The following DMBT1 variants were observed in gnomAD, a reference collection of about 807,000 sequenced individuals.
DMBT1 encodes the protein deleted in malignant brain tumors 1, also known as scavenger receptor cysteine-rich domain-containing protein DMBT1.
DMBT1 carries 198 observed loss-of-function variants against 252.9 expected under a neutral mutation model. That is an observed-to-expected ratio of 0.78 (90% CI 0.70 to 0.88). DMBT1 has a LOEUF of 0.88. Ranked by LOEUF, DMBT1 falls within the 40% of genes least tolerant of loss-of-function variation. The pLI is 0.00. For synonymous variants in DMBT1, 990 were observed against 942.7 expected, an observed-to-expected ratio of 1.05 and a Z score of -0.92; for missense variants, 2,432 against 2,404.7, an observed-to-expected ratio of 1.01 and a Z score of -0.24.
chr10:122,597,662 G>C lies in DMBT1; in HGVS notation c.2918-312G>C, dbSNP rs192275358. On this transcript the variant is annotated intron_variant, in intron 24 of 55. Coordinates refer to ENST00000338354, the MANE Select transcript of DMBT1 (RefSeq NM_001377530.1). ...TTCCCTAACATTTTAGCTCGAGCTAGTAGAGTGTCAGCAATGGTGTTAGAT... is the reference window on the plus strand; with the variant it reads ...TTCCCTAACATTTTAGCTCGAGCTACTAGAGTGTCAGCAATGGTGTTAGAT... Among the ~76,000 whole-genome samples the C allele has an allele frequency of 5.9e-3, 903 of 152,312 alleles. 9 individuals carry two copies. The highest frequency in any genetic ancestry group is 0.018 in the Admixed American group (273 of 15,304).
At chr10:122,619,460 C>A in intron 42 of DMBT1, 123 bp downstream of exon 42, 1 of 1,315,258 alleles carries the variant, frequency 7.6e-7, no homozygotes, top group Non-Finnish European at 1.1e-6. Context: ...TTTTTCCTCC[C>A]ACCACTCTGT....
chr10:122,631,357 T>A, intron 49 of DMBT1, 76 bp downstream of exon 49: 1 of 1,544,614 alleles, frequency 6.5e-7, no homozygotes, highest in Non-Finnish European at 8.8e-7. Flanking sequence ...CAGTGGCTGA[T>A]GGTGTCTGTG....
intron 50 of DMBT1, among the ~76,000 whole-genome samples, chr10:122,632,275 G>T (rs2098171523): frequency 6.6e-6 from 1 of 151,270 alleles, no homozygotes. Flanking sequence ...CCCGCCCCCT[G>T]CTTGCTTTGT....
chr10:122,621,499 G>A, intron 44 of DMBT1, 119 bp downstream of exon 44: 3 of 1,507,584 alleles, frequency 2.0e-6, no homozygotes, highest in Non-Finnish European at 2.7e-6. Context: ...TGTTTTTGAA[G>A]ACTTGTTAGC....
chr10:122,580,036 A>G, intron 10 of DMBT1, 135 bp downstream of exon 10: 1 of 1,490,044 alleles, frequency 6.7e-7, no homozygotes, highest in East Asian at 2.4e-5. Context: ...GCTCTCTGCT[A>G]AGAATCCATA....
Position 122,598,999 on chromosome 10 carries a change from G to C in DMBT1, c.3182G>C (p.Arg1061Pro), listed in dbSNP as rs773151482. 2 of 1,613,744 alleles carry C rather than the reference G, an allele frequency of 1.2e-6. No homozygotes were observed. Among genetic ancestry groups the C allele is most frequent in the Non-Finnish European group, 8.5e-7 (1 of 1,179,730 alleles). Reference protein sequence around the residue: ...GSGPIVLDDVRCSGHESYLWS... With the variant: ...GSGPIVLDDVPCSGHESYLWS... ...GGACCCATTGTCCTGGATGATGTGCGCTGCTCAGGACACGAGTCTTACCTG... is the reference window on the plus strand; with the variant it reads ...GGACCCATTGTCCTGGATGATGTGCCCTGCTCAGGACACGAGTCTTACCTG... The change falls in exon 26 of 56, where the codon CGC becomes CCC. Residue 1061 changes from arginine to proline, a missense_variant. This residue lies in a region of DMBT1 where 1,264 missense variants were observed against 1,082.2 expected (regional missense o/e 1.17). Transcript: ENST00000338354.
At chr10:122,629,038 T>G (rs924462679) in intron 46 of DMBT1, among the ~76,000 whole-genome samples, 2 of 152,264 alleles carry the variant, frequency 1.3e-5, no homozygotes, top group Middle Eastern at 3.4e-3. Context: ...TTTTAAAAAG[T>G]TTTTATTACT....
At position 122,572,547 on chromosome 10, in the gene DMBT1, C is replaced by T. The variant is rs377236714; in HGVS notation, c.235+186C>T. On this transcript the variant is annotated intron_variant, in intron 5 of 55. Coordinates refer to ENST00000338354, the MANE Select transcript of DMBT1 (RefSeq NM_001377530.1). ...GAGTCCATATCACCACACACGAGCA[C>T]GTTTGTACACGTGTGTGTGCTCTGT... Among the ~76,000 whole-genome samples, 17 of 152,306 alleles carry T rather than the reference C, an allele frequency of 1.1e-4. 1 individual carries two copies. The South Asian group carries it at 1.2e-3, about 11-fold the overall frequency.
At chr10:122,571,946 T>C (rs1001079766) in intron 4 of DMBT1, among the ~76,000 whole-genome samples, 1 of 152,220 alleles carries the variant, frequency 6.6e-6, no homozygotes, top group African/African-American at 2.4e-5. Context: ...CAGGAATATT[T>C]CAGTGATGGT....
Position 122,585,142 on chromosome 10 carries a change from T to A in DMBT1, c.1421-129T>A. The A allele has an allele frequency of 2.4e-6, 3 of 1,251,870 alleles. 1 individual carries two copies. In the East Asian group the frequency reaches 7.8e-5, roughly 32 times the overall value. The allele number at this position is 1,251,870 out of a possible 1,614,324, so 77.5% of individuals were successfully genotyped here. A position where few individuals can be genotyped will look rare whatever the true frequency, so the allele number is the denominator to read the frequency against. ...TGAGCTGCAGACTTGGGCAGACACA[T>A]GGGGAGCAAAGTGGCAGGAATCAGA... On this transcript the variant is annotated intron_variant, in intron 14 of 55. Transcript: ENST00000338354.
At chr10:122,629,587 C>A (rs1281741304) in intron 46 of DMBT1, among the ~76,000 whole-genome samples, 1 of 152,178 alleles carries the variant, frequency 6.6e-6, no homozygotes, top group Non-Finnish European at 1.5e-5. Context: ...CACATGCTCC[C>A]TCTGAAGCTT....
intron 1 of DMBT1, among the ~76,000 whole-genome samples, chr10:122,561,805 C>G (rs1442983808): frequency 6.6e-6 from 1 of 151,596 alleles, no homozygotes; most frequent in Non-Finnish European, 1.5e-5. Flanking sequence ...TCTCATCTAT[C>G]AGGCAGTTAT....
At chr10:122,642,813 T>G (rs1844802600) in intron 55 of DMBT1, among the ~76,000 whole-genome samples, 2 of 152,170 alleles carry the variant, frequency 1.3e-5, no homozygotes, top group South Asian at 2.1e-4. Flanking sequence ...TTTACCTGGG[T>G]GCATGGAGCA....
intron 5 of DMBT1, among the ~76,000 whole-genome samples, chr10:122,573,002 T>C (rs888191638): frequency 6.6e-6 from 1 of 152,196 alleles, no homozygotes; most frequent in African/African-American, 2.4e-5. Flanking sequence ...ATTTCCTTTG[T>C]TCACATAGTG....
intron 7 of DMBT1, among the ~76,000 whole-genome samples, chr10:122,577,019 C>A (rs990516050): frequency 1.3e-5 from 2 of 152,196 alleles, no homozygotes; most frequent in African/African-American, 4.8e-5. Context: ...GGTACAATGC[C>A]ACGGTCAGCA....
At chr10:122,567,066 T>C (rs1443457950) in intron 2 of DMBT1, among the ~76,000 whole-genome samples, 1 of 152,242 alleles carries the variant, frequency 6.6e-6, no homozygotes, top group Non-Finnish European at 1.5e-5. Context: ...GGGCCTTCCA[T>C]GTGTTCACTT....
chr10:122,634,435 TCTC>T (rs2098203463), intron 52 of DMBT1, among the ~76,000 whole-genome samples: 6 of 35,240 alleles, frequency 1.7e-4, no homozygotes, highest in African/African-American at 5.9e-4. Context: ...CTCTCTTCTC[TCTC>T]TCTCTCTCTC....
intron 4 of DMBT1, among the ~76,000 whole-genome samples, chr10:122,571,772 C>G (rs2133527275): frequency 6.6e-6 from 1 of 152,334 alleles, no homozygotes; most frequent in East Asian, 1.9e-4. Context: ...TGAACCCAGG[C>G]TACCATGCCT....
chr10:122,572,887 C>G (rs2097677776), intron 5 of DMBT1, among the ~76,000 whole-genome samples: 1 of 152,138 alleles, frequency 6.6e-6, no homozygotes. Context: ...GGAGGGAACC[C>G]AGGCATTCTC....
Sources: gnomAD v4.1 joint callset for allele counts (sites outside exome capture counted in the v4.1 genomes callset) on GRCh38, gnomAD v4.1.1 for gene constraint, gnomAD v4.1.1 regional missense constraint, MANE v1.5 for transcripts, NCBI Gene and HGNC (gene_info 2026-07-23, HGNC 2026-07-21) for gene names.